The following DOCK8 variants were observed in gnomAD, a reference collection of about 807,000 sequenced individuals.
DOCK8 encodes the protein dedicator of cytokinesis protein 8.
In DOCK8, 141 loss-of-function variants were observed where a neutral mutation model predicts 245.6. That is an observed-to-expected ratio of 0.57 (90% CI 0.50 to 0.66). The LOEUF is 0.66. Ranked by LOEUF, DOCK8 falls within the 30% of genes least tolerant of loss-of-function variation. The pLI, the probability that DOCK8 is intolerant of heterozygous loss-of-function variation, is 0.00. For missense variants in DOCK8, 2,965 were observed against 2,603.4 expected (o/e 1.14, Z -3.02); for synonymous variants, 1,168 against 970.2 (o/e 1.20, Z -3.79).
chr9:223,605 A>G (rs1488763560), intron 1 of DOCK8, among the ~76,000 whole-genome samples: 2 of 151,896 alleles, frequency 1.3e-5, no homozygotes, highest in Non-Finnish European at 2.9e-5. Context: ...TTAAAAAGAA[A>G]CTTGGTGTTT....
intron 46 of DOCK8, chr9:454,388 C>T (rs1054354073): frequency 6.6e-6 from 1 of 152,124 alleles, no homozygotes; most frequent in Admixed American, 6.5e-5. Flanking sequence ...TAAGCTTTAT[C>T]ATAGGTATGT....
At chr9:212,862 T>G (rs546565346), upstream of DOCK8, 1 of 152,326 alleles carries the variant, frequency 6.6e-6, no homozygotes, top group African/African-American at 2.4e-5. Flanking sequence ...GTGAAACCAG[T>G]ATATTTTTGT....
intron 28 of DOCK8, among the ~76,000 whole-genome samples, chr9:414,576 A>G (rs1350464542): frequency 6.6e-6 from 1 of 151,980 alleles, no homozygotes; most frequent in Non-Finnish European, 1.5e-5. Flanking sequence ...TCTGGATTCT[A>G]TGTAGTTCTA....
chr9:341,710 G>A (rs1329138703), intron 14 of DOCK8, among the ~76,000 whole-genome samples: 2 of 152,108 alleles, frequency 1.3e-5, no homozygotes, highest in Non-Finnish European at 2.9e-5. Context: ...CTAGGTCAGG[G>A]GTCCCCAACC....
chr9:378,574 C>G (rs1193386155), intron 20 of DOCK8, among the ~76,000 whole-genome samples: 1 of 152,264 alleles, frequency 6.6e-6, no homozygotes, highest in Admixed American at 6.5e-5. Context: ...TAGATTCTTG[C>G]AGAGCTCTGC....
intron 26 of DOCK8, among the ~76,000 whole-genome samples, chr9:401,023 C>T (rs923605575): frequency 3.4e-5 from 5 of 145,056 alleles, no homozygotes; most frequent in African/African-American, 1.3e-4. Flanking sequence ...CCATGACCAC[C>T]TCCTTCACCT....
intron 32 of DOCK8, among the ~76,000 whole-genome samples, chr9:421,286 C>G (rs757511260): frequency 3.7e-4 from 56 of 152,254 alleles, no homozygotes; most frequent in Non-Finnish European, 6.6e-4. Flanking sequence ...TTGTAGGAAC[C>G]CTGAAAACAG....
At position 403,913 on chromosome 9, in the gene DOCK8, T is replaced by C. The variant is rs1386530090; in HGVS notation, c.3235-1005T>C. 2.0e-4 allele frequency among the ~76,000 whole-genome samples: 17 copies of C among 84,386 alleles called. 1 individual carries two copies. The highest frequency in any genetic ancestry group is 8.7e-4 in the African/African-American group (11 of 12,716). The allele number at this position is 84,386 out of a possible 152,430, so 55.4% of individuals were successfully genotyped here. A position where few individuals can be genotyped will look rare whatever the true frequency, so the allele number is the denominator to read the frequency against. ...CTCTCTATATATATATATATATATA[T>C]ATACATATATATATATGTGTATATA... On this transcript the variant is annotated intron_variant, in intron 26 of 47. Coordinates refer to ENST00000432829, the MANE Select transcript of DOCK8 (RefSeq NM_203447.4).
chr9:302,749 C>T (rs528808478), intron 4 of DOCK8, among the ~76,000 whole-genome samples: 2 of 152,228 alleles, frequency 1.3e-5, no homozygotes, highest in East Asian at 3.9e-4. Context: ...TGAAAAAATG[C>T]TTAACATCAC....
intron 1 of DOCK8, among the ~76,000 whole-genome samples, chr9:268,974 G>A (rs1426731480): frequency 6.6e-6 from 1 of 152,080 alleles, no homozygotes; most frequent in Admixed American, 6.6e-5. Context: ...CAAAATCTGA[G>A]GTTATTCTTT....
chr9:401,376 G>T (rs2055092604), intron 26 of DOCK8, among the ~76,000 whole-genome samples: 1 of 152,124 alleles, frequency 6.6e-6, no homozygotes, highest in Non-Finnish European at 1.5e-5. Flanking sequence ...ATCCAGAGGA[G>T]CAGGGGAACT....
intron 39 of DOCK8, 29 bp from the exon 40 acceptor site, chr9:439,216 C>G (rs1268792624): frequency 6.2e-7 from 1 of 1,613,976 alleles, no homozygotes; most frequent in Non-Finnish European, 8.5e-7. Flanking sequence ...TCGCCCTGTT[C>G]TCCAGGCTTA....
intron 1 of DOCK8, among the ~76,000 whole-genome samples, chr9:228,713 A>G (rs745405851): frequency 4.0e-4 from 61 of 152,156 alleles, no homozygotes; most frequent in Non-Finnish European, 7.1e-4. Flanking sequence ...GAAACTAACA[A>G]ACCACCCCAA....
intron 26 of DOCK8, among the ~76,000 whole-genome samples, chr9:403,954 A>AAG (rs2055276814): frequency 1.3e-5 from 1 of 77,562 alleles, no homozygotes; most frequent in African/African-American, 8.8e-5. Flanking sequence ...GTGTATATAT[A>AAG]TATATGTATA....
intron 4 of DOCK8, among the ~76,000 whole-genome samples, chr9:291,613 G>T (rs897871783): frequency 1.3e-5 from 2 of 151,834 alleles, no homozygotes; most frequent in African/African-American, 4.8e-5. Flanking sequence ...TAATATTTAG[G>T]TGATTCCTTC....
chr9:415,028 A>G lies in DOCK8; in HGVS notation c.3700+77A>G, dbSNP rs1368768850. 9.5e-6 allele frequency: 15 copies of G among 1,579,700 alleles called. No individual in the cohort carries two copies. In the Admixed American group the frequency reaches 2.5e-4, roughly 26 times the overall value. On this transcript the variant is annotated intron_variant, in intron 29 of 47. Transcript: ENST00000432829. ...GCCCCATCCGAATGAGATCTCTGTC[A>G]TTCGTTCCAGTGCTGATATGTTCAT...
chr9:303,611 A>G lies in DOCK8; in HGVS notation c.405-970A>G, dbSNP rs1157358267. Among the ~76,000 whole-genome samples, 6 of 152,338 alleles carry G rather than the reference A, an allele frequency of 3.9e-5. No individual in the cohort carries two copies. The East Asian group carries it at 9.6e-4, about 24-fold the overall frequency. ...ACATCGGGTAAACATGGGCATAAAG[A>G]TAACACGGTAGACACCAGGGATTAC... On this transcript the variant is annotated intron_variant, in intron 4 of 47. Coordinates refer to ENST00000432829, the MANE Select transcript of DOCK8 (RefSeq NM_203447.4).
rs567262310 is a variant in DOCK8 at position 245,855 on chromosome 9, CT to C, written c.54-25771del. Among the ~76,000 whole-genome samples the C allele has an allele frequency of 9.9e-5, 15 of 152,242 alleles. No individual in the cohort carries two copies. The East Asian group carries it at 2.9e-3, about 29-fold the overall frequency. Reference sequence around the variant, plus strand: ...TGTAGATGCTAAAACTTTAAACTTGCTGGACAAAATGATAGGGGACTTTGAA... The same window carrying C: ...TGTAGATGCTAAAACTTTAAACTTGCGGACAAAATGATAGGGGACTTTGAA... On this transcript the variant is annotated intron_variant, in intron 1 of 47. Coordinates refer to ENST00000432829, the MANE Select transcript of DOCK8 (RefSeq NM_203447.4).
chr9:364,933 C>G (rs1365373819), intron 14 of DOCK8, among the ~76,000 whole-genome samples: 1 of 152,186 alleles, frequency 6.6e-6, no homozygotes, highest in Non-Finnish European at 1.5e-5. Flanking sequence ...AGATATGACA[C>G]ATGAGCTCAA....
Sources: gnomAD v4.1 joint callset for allele counts (sites outside exome capture counted in the v4.1 genomes callset) on GRCh38, gnomAD v4.1.1 for gene constraint, MANE v1.5 for transcripts, NCBI Gene and HGNC (gene_info 2026-07-23, HGNC 2026-07-21) for gene names.